Variants in SLC2A1 observed in about 807,000 individuals in gnomAD.
SLC2A1 encodes the protein solute carrier family 2, facilitated glucose transporter member 1.
In SLC2A1, 4 loss-of-function variants were observed where a neutral mutation model predicts 46.6. That is an observed-to-expected ratio of 0.09 (90% confidence interval 0.04 to 0.20). The LOEUF (loss-of-function observed/expected upper bound fraction) is 0.20. SLC2A1 is among the 10% of genes least tolerant of loss of function. The probability of loss-of-function intolerance (pLI) is 1.00; values close to 1 mark genes in which losing one functional copy is unlikely to be tolerated. For missense variants in SLC2A1, 352 were observed against 667.0 expected (o/e 0.53, Z 5.20); for synonymous variants, 253 against 270.0 (o/e 0.94, Z 0.62).
chr1:42,936,520 TCACTTTGGGGCCTGGGGGAAGAGGCC>T (rs1185759939), intron 2 of SLC2A1, among the ~76,000 whole-genome samples: 1 of 152,068 alleles, frequency 6.6e-6, no homozygotes, highest in Non-Finnish European at 1.5e-5. Flanking sequence ...CCCTGGGGCC[TCACTTTGGGGCCTGGGGGAAGAGGCC>T]CAGGTTGGGG....
intron 1 of SLC2A1, among the ~76,000 whole-genome samples, chr1:42,947,646 T>C (rs1407384886): frequency 1.4e-5 from 2 of 146,068 alleles, no homozygotes; most frequent in East Asian, 4.0e-4. Flanking sequence ...CACCTGAGCC[T>C]GGGAGGCAGA....
intron 1 of SLC2A1, among the ~76,000 whole-genome samples, chr1:42,957,846 C>A (rs1225135196): frequency 1.3e-5 from 2 of 152,142 alleles, no homozygotes; most frequent in African/African-American, 4.8e-5. Context: ...TCTTTCCTGG[C>A]CCCCAGATCC....
intron 2 of SLC2A1, among the ~76,000 whole-genome samples, chr1:42,937,537 C>T (rs1643553981): frequency 6.6e-6 from 1 of 152,220 alleles, no homozygotes; most frequent in Non-Finnish European, 1.5e-5. Context: ...GTCAAGGGCA[C>T]AGACTAGGGC....
Position 42,932,586 on chromosome 1 carries a change from G to A in SLC2A1, c.115-1380C>T, listed in dbSNP as rs532300010. Among the ~76,000 whole-genome samples, 8 of 152,140 alleles carry A rather than the reference G, an allele frequency of 5.3e-5. No individual in the cohort carries two copies. The East Asian group carries it at 9.7e-4, about 18-fold the overall frequency. On this transcript the variant is annotated intron_variant, in intron 2 of 9. Coordinates refer to ENST00000426263, the MANE Select transcript of SLC2A1 (RefSeq NM_006516.4). ...CATCCCAACACCCCTCCGTGTGTGTGCATGCCACAGGTTCATGCACACACA... is the reference window on the plus strand; with the variant it reads ...CATCCCAACACCCCTCCGTGTGTGTACATGCCACAGGTTCATGCACACACA...
chr1:42,932,574 C>T (rs917218062), intron 2 of SLC2A1, among the ~76,000 whole-genome samples: 1 of 152,198 alleles, frequency 6.6e-6, no homozygotes, highest in African/African-American at 2.4e-5. Context: ...CCCAACACCC[C>T]TCCGTGTGTG....
intron 1 of SLC2A1, 145 bp downstream of exon 1, chr1:42,958,489 C>T: frequency 2.2e-6 from 1 of 463,100 alleles, no homozygotes; most frequent in Non-Finnish European, 3.2e-6. Context: ...GCTCGGGACC[C>T]GCACCGAGCC....
intron 1 of SLC2A1, among the ~76,000 whole-genome samples, chr1:42,944,727 C>T (rs967735438): frequency 1.3e-5 from 2 of 152,254 alleles, no homozygotes; most frequent in Admixed American, 1.3e-4. Flanking sequence ...AGCTCAGAGC[C>T]CCCTCTGTGT....
At chr1:42,933,781 G>T (rs1643515741) in intron 2 of SLC2A1, among the ~76,000 whole-genome samples, 1 of 151,860 alleles carries the variant, frequency 6.6e-6, no homozygotes, top group African/African-American at 2.4e-5. Context: ...CCCATTATGG[G>T]GTGAAAATGT....
At chr1:42,958,367 C>G (rs1401166589) in intron 1 of SLC2A1, among the ~76,000 whole-genome samples, 74 of 151,028 alleles carry the variant, frequency 4.9e-4, no homozygotes, top group African/African-American at 1.6e-3. Context: ...CGCGGCGCCC[C>G]CGGAAGGAGG....
At chr1:42,938,669 G>A (rs1456191923) in intron 2 of SLC2A1, among the ~76,000 whole-genome samples, 2 of 152,178 alleles carry the variant, frequency 1.3e-5, no homozygotes, top group Non-Finnish European at 1.5e-5. Context: ...AAGTCAGTGT[G>A]CCCACTGCAG....
At chr1:42,956,407 C>CA (rs71577684) in intron 1 of SLC2A1, among the ~76,000 whole-genome samples, 776 of 44,506 alleles carry the variant, frequency 0.017, 21 homozygotes, top group East Asian at 0.056. Flanking sequence ...ACTAAAACTA[C>CA]AAAAAAAAAA....
At chr1:42,947,724 A>G (rs927088099) in intron 1 of SLC2A1, among the ~76,000 whole-genome samples, 2 of 151,832 alleles carry the variant, frequency 1.3e-5, no homozygotes, top group Non-Finnish European at 2.9e-5. Context: ...AAAAAAAAGG[A>G]ATGGAACCTG....
chr1:42,940,306 C>T (rs1643584309), intron 2 of SLC2A1, among the ~76,000 whole-genome samples: 1 of 152,218 alleles, frequency 6.6e-6, no homozygotes, highest in Non-Finnish European at 1.5e-5. Flanking sequence ...AGGCCACCAT[C>T]GCCTCTTCTG....
At position 42,930,496 on chromosome 1, in the gene SLC2A1, C is replaced by T; in HGVS notation, c.516+130G>A. On this transcript the variant is annotated intron_variant, in intron 4 of 9. Transcript: ENST00000426263. This position sits in a 1 kb window ranked among gnomAD's most constrained non-coding sequence, Gnocchi z 6.2. ...TGCTGTGTTCTCTGGACCTGTGTAC[C>T]ATAGTTGTCCTCTGCAAGGCTGTGG... The T allele has an allele frequency of 1.6e-6, 2 of 1,255,508 alleles. No homozygotes were observed. Among genetic ancestry groups the T allele is most frequent in the Non-Finnish European group, 2.3e-6 (2 of 876,464 alleles). 77.8% of individuals were successfully genotyped at this position (1,255,508 alleles called of 1,614,324 possible). A position where few individuals can be genotyped will look rare whatever the true frequency, so the allele number is the denominator to read the frequency against.
Position 42,929,128 on chromosome 1 carries a change from G to T in SLC2A1, c.972+82C>A. The T allele has an allele frequency of 1.3e-6, 2 of 1,557,682 alleles. No individual in the cohort carries two copies. Among genetic ancestry groups the T allele is most frequent in the Non-Finnish European group, 1.8e-6 (2 of 1,129,530 alleles). The stretch of plus-strand genomic sequence containing the variant: ...TGCCTCAAGAGCTGAGAAAGTCACA[G>T]GGCACTGCAAAGACCAGTGGGGAAG... On this transcript the variant is annotated intron_variant, in intron 7 of 9. Coordinates refer to ENST00000426263, the MANE Select transcript of SLC2A1 (RefSeq NM_006516.4). The surrounding 1 kb of genome is among the most constrained non-coding windows in gnomAD (Gnocchi z 6.0).
At position 42,943,693 on chromosome 1, in the gene SLC2A1, T is replaced by C. The variant is rs34964576; in HGVS notation, c.19-372A>G. Among the ~76,000 whole-genome samples the C allele has an allele frequency of 0.16, 23,745 of 152,024 alleles. 1,970 individuals are homozygous for C. Among genetic ancestry groups the C allele is most frequent in the South Asian group, 0.18 (889 of 4,808 alleles). On this transcript the variant is annotated intron_variant, in intron 1 of 9. Transcript: ENST00000426263. ...GGAGGCCCAGGAACCAGCCCTCCTA[T>C]GCGAGGGGGCCCAAATTACTTGGTA... is the stretch of plus-strand genomic sequence containing the variant.
chr1:42,937,615 A>C lies in SLC2A1; in HGVS notation c.114+5611T>G, dbSNP rs1237879891. Among the ~76,000 whole-genome samples the C allele has an allele frequency of 5.3e-5, 8 of 152,372 alleles. No homozygotes were observed. In the Middle Eastern group the frequency reaches 0.014, roughly 259 times the overall value. On this transcript the variant is annotated intron_variant, in intron 2 of 9. Transcript: ENST00000426263. The stretch of plus-strand genomic sequence containing the variant: ...TGTGTGTCCTTGCTTTAATTGCTTA[A>C]CATTCCTGTGCCCCAGTTTCTTATA...
Position 42,958,622 on chromosome 1 carries a change from C to A in SLC2A1, c.18+12G>T, listed in dbSNP as rs587781171. 134 of 1,525,134 alleles carry A rather than the reference C, an allele frequency of 8.8e-5. No individual in the cohort carries two copies. The Middle Eastern group carries it at 1.7e-3, about 19-fold the overall frequency. The allele number at this position is 1,525,134 out of a possible 1,614,324, so 94.5% of individuals were successfully genotyped here. A position where few individuals can be genotyped will look rare whatever the true frequency, so the allele number is the denominator to read the frequency against. ...TGTTCCTGGCGGGAGGGCCCGCGGG[C>A]GCGCGACTCACCTTGCTGCTGGGCT... On this transcript the variant is annotated intron_variant, in intron 1 of 9. Transcript: ENST00000426263.
chr1:42,932,710 C>A (rs996240450), intron 2 of SLC2A1, among the ~76,000 whole-genome samples: 1 of 152,212 alleles, frequency 6.6e-6, no homozygotes, highest in African/African-American at 2.4e-5. Flanking sequence ...TGGGCAGGCA[C>A]ACTTGCCAAA....
Sources: allele counts gnomAD v4.1 joint callset (sites outside exome capture counted in the v4.1 genomes callset), GRCh38; gene constraint gnomAD v4.1.1; non-coding constraint Gnocchi (gnomAD v3.1); transcripts MANE v1.5; gene names NCBI Gene and HGNC (gene_info 2026-07-23, HGNC 2026-07-21).